TYR: variants seen among roughly 807,000 people sequenced by gnomAD.
TYR encodes tyrosinase.
Under a neutral mutation model 51.5 loss-of-function variants are expected in TYR, and 58 were observed. The observed-to-expected ratio is 1.13, with a 90% CI of 0.91 to 1.40. The LOEUF (loss-of-function observed/expected upper bound fraction) is 1.40. Among genes scored for constraint, TYR ranks in the 40% most tolerant of loss-of-function variants. The probability of loss-of-function intolerance (pLI) is 0.00; values close to 1 mark genes in which losing one functional copy is unlikely to be tolerated. For synonymous variants in TYR, 263 were observed against 235.2 expected, an observed-to-expected ratio of 1.12 and a Z score of -1.08; for missense variants, 732 against 647.4, an observed-to-expected ratio of 1.13 and a Z score of -1.42.
At chr11:89,185,248 T>C (rs2135247727) in intron 1 of TYR, among the ~76,000 whole-genome samples, 1 of 152,272 alleles carries the variant, frequency 6.6e-6, no homozygotes, top group Non-Finnish European at 1.5e-5. Context: ...GAATTTCTAA[T>C]TTTAATGTAT....
intron 3 of TYR, among the ~76,000 whole-genome samples, chr11:89,245,895 C>T (rs1418842953): frequency 6.7e-5 from 10 of 150,122 alleles, no homozygotes; most frequent in East Asian, 3.9e-4. Flanking sequence ...CACTCCAGCC[C>T]GGGCGACAGA....
At chr11:89,237,957 T>G (rs1944140620) in intron 3 of TYR, among the ~76,000 whole-genome samples, 1 of 152,028 alleles carries the variant, frequency 6.6e-6, no homozygotes, top group Non-Finnish European at 1.5e-5. Flanking sequence ...TGCCTCAGCC[T>G]CCTGAGTTGC....
At chr11:89,248,255 G>A (rs919622250) in intron 3 of TYR, among the ~76,000 whole-genome samples, 5 of 152,068 alleles carry the variant, frequency 3.3e-5, no homozygotes, top group Non-Finnish European at 4.4e-5. Flanking sequence ...GCATTCTAGT[G>A]AGGAGAAACA....
intron 2 of TYR, among the ~76,000 whole-genome samples, chr11:89,198,771 T>TATATATATATATATA (rs1565394780): frequency 1.6e-5 from 2 of 123,346 alleles, no homozygotes; most frequent in African/African-American, 9.0e-5. Flanking sequence ...ATATATATAT[T>TATATATATATATATA]TTTATACTTT....
chr11:89,222,840 G>A (rs1565403304), intron 2 of TYR, among the ~76,000 whole-genome samples: 1 of 152,150 alleles, frequency 6.6e-6, no homozygotes, highest in Non-Finnish European at 1.5e-5. Context: ...TAATTTGGGG[G>A]AACTCTTACT....
At chr11:89,294,268 T>A (rs904465576) in intron 4 of TYR, 1 of 152,498 alleles carries the variant, frequency 6.6e-6, no homozygotes, top group Non-Finnish European at 1.5e-5. Flanking sequence ...TTTTTAAAAT[T>A]ATTTATTATT....
In TYR at chr11:89,220,078, C is replaced by T. The variant is rs117046405; in HGVS notation, c.1037-7745C>T. 1.8e-3 allele frequency among the ~76,000 whole-genome samples: 277 copies of T among 152,202 alleles called. 6 individuals are homozygous for T. In the East Asian group the frequency reaches 0.048, roughly 26 times the overall value. ...CAGATAATTGGCCAAAATTCTGACC[C>T]TGCCACTTATCTGCTTGTGGTAGGC... is the stretch of plus-strand genomic sequence containing the variant. On this transcript the variant is annotated intron_variant, in intron 2 of 4. Transcript: ENST00000263321.
intron 1 of TYR, among the ~76,000 whole-genome samples, chr11:89,185,277 T>A (rs997852872): frequency 6.6e-6 from 1 of 152,148 alleles, no homozygotes; most frequent in Non-Finnish European, 1.5e-5. Flanking sequence ...ATCTCCCTTA[T>A]GGCCTAGGAC....
chr11:89,206,267 T>A (rs562512057), intron 2 of TYR, among the ~76,000 whole-genome samples: 1 of 152,222 alleles, frequency 6.6e-6, no homozygotes, highest in South Asian at 2.1e-4. Flanking sequence ...AAATTCACTT[T>A]AGATATAACA....
intron 1 of TYR, among the ~76,000 whole-genome samples, chr11:89,184,947 A>T (rs1380621684): frequency 6.6e-6 from 1 of 152,196 alleles, no homozygotes; most frequent in Non-Finnish European, 1.5e-5. Flanking sequence ...ATTCAATTCT[A>T]TTTGAGATGA....
chr11:89,294,650 C>A (rs1160427074), intron 4 of TYR, among the ~76,000 whole-genome samples: 1 of 152,206 alleles, frequency 6.6e-6, no homozygotes, highest in African/African-American at 2.4e-5. Flanking sequence ...AGACTGTGAC[C>A]TCTGTGAATA....
chr11:89,213,381 G>A (rs1000874929), intron 2 of TYR, among the ~76,000 whole-genome samples: 17 of 151,994 alleles, frequency 1.1e-4, no homozygotes, highest in African/African-American at 3.4e-4. Context: ...AACTTACAAG[G>A]GATGTTAAGG....
chr11:89,191,397 A>G lies in TYR; in HGVS notation c.1015A>G (p.Ser339Gly), dbSNP rs62645906. 1 of 1,613,596 alleles carries G rather than the reference A, an allele frequency of 6.2e-7. No homozygotes were observed. Among genetic ancestry groups the G allele is most frequent in the Non-Finnish European group, 8.5e-7 (1 of 1,179,660 alleles). The change falls in exon 2 of 5, where the codon AGC becomes GGC. Residue 339 changes from serine (S) to glycine (G), a missense_variant. Transcript: ENST00000263321. ...TTCCATGGATAAAGCTGCCAATTTC[A>G]GCTTTAGAAATACACTGGAAGGTAA... ...SGSMDKAANFSFRNTLEGFAS... is the reference protein window; with the variant it reads ...SGSMDKAANFGFRNTLEGFAS...
chr11:89,181,647 T>G (rs1943300824), intron 1 of TYR, among the ~76,000 whole-genome samples: 1 of 152,190 alleles, frequency 6.6e-6, no homozygotes, highest in African/African-American at 2.4e-5. Context: ...AATTGAGATT[T>G]GAGAGATTTG....
At chr11:89,226,121 G>A (rs28625370) in intron 2 of TYR, among the ~76,000 whole-genome samples, 32,309 of 151,796 alleles carry the variant, frequency 0.21, 5,086 homozygotes, top group African/African-American at 0.45. Flanking sequence ...GTGCTACTCA[G>A]AGATAAAATC....
intron 2 of TYR, among the ~76,000 whole-genome samples, chr11:89,203,286 G>A (rs1393453228): frequency 6.6e-6 from 1 of 152,114 alleles, no homozygotes; most frequent in Non-Finnish European, 1.5e-5. Context: ...CTGACTCCAA[G>A]GCTGATACAA....
chr11:89,246,135 T>C (rs866067657), intron 3 of TYR, among the ~76,000 whole-genome samples: 16 of 145,108 alleles, frequency 1.1e-4, no homozygotes, highest in African/African-American at 4.2e-4. Context: ...GACCGAGGTA[T>C]AAAAGGCAGG....
chr11:89,218,191 A>G (rs537881457), intron 2 of TYR, among the ~76,000 whole-genome samples: 1 of 152,272 alleles, frequency 6.6e-6, no homozygotes, highest in Non-Finnish European at 1.5e-5. Context: ...AAAGACATAA[A>G]CCTTAGAACA....
At chr11:89,180,988 T>TA (rs1331691692) in intron 1 of TYR, among the ~76,000 whole-genome samples, 1 of 152,178 alleles carries the variant, frequency 6.6e-6, no homozygotes, top group African/African-American at 2.4e-5. Flanking sequence ...GCAAGGTTTT[T>TA]ATGCACCTAA....
Sources: gnomAD v4.1 joint callset for allele counts (sites outside exome capture counted in the v4.1 genomes callset) on GRCh38, gnomAD v4.1.1 for gene constraint, MANE v1.5 for transcripts, NCBI Gene and HGNC (gene_info 2026-07-23, HGNC 2026-07-21) for gene names.